Variants in PRDM16 observed in about 807,000 individuals in gnomAD.
PRDM16 encodes PR/SET domain 16.
A neutral mutation model predicts 110.6 loss-of-function variants in PRDM16; 23 were observed. That is an observed-to-expected ratio of 0.21 (90% CI 0.15 to 0.29). The LOEUF (loss-of-function observed/expected upper bound fraction) is 0.29. PRDM16 is among the 10% of genes least tolerant of loss of function. PRDM16 has a pLI of 1.00. For synonymous variants in PRDM16, 799 were observed against 781.8 expected (o/e 1.02, Z -0.37); for missense variants, 1,615 against 1,794.3 (o/e 0.90, Z 1.81).
At chr1:3,313,908 C>T (rs922096334) in intron 3 of PRDM16, among the ~76,000 whole-genome samples, 20 of 152,226 alleles carry the variant, frequency 1.3e-4, no homozygotes, top group African/African-American at 3.9e-4. Context: ...ACACTGTTCG[C>T]GCCCTGGCTG....
chr1:3,219,598 C>T (rs999663798), intron 2 of PRDM16, among the ~76,000 whole-genome samples: 2 of 152,162 alleles, frequency 1.3e-5, no homozygotes, highest in South Asian at 2.1e-4. Flanking sequence ...CTGCAGTGTT[C>T]GGGAACAGGA....
intron 3 of PRDM16, among the ~76,000 whole-genome samples, chr1:3,323,032 G>A (rs1394741616): frequency 4.6e-5 from 7 of 152,318 alleles, no homozygotes; most frequent in African/African-American, 9.6e-5. Flanking sequence ...TCTCTGGCCC[G>A]TGCTTCTGCG....
At chr1:3,354,154 G>C (rs565075494) in intron 3 of PRDM16, among the ~76,000 whole-genome samples, 1 of 152,306 alleles carries the variant, frequency 6.6e-6, no homozygotes, top group African/African-American at 2.4e-5. Flanking sequence ...CATTTGAGAC[G>C]CTGCAGATAA....
At chr1:3,181,743 G>GTCTTACACACGC (rs1644202948) in intron 1 of PRDM16, among the ~76,000 whole-genome samples, 2 of 49,726 alleles carry the variant, frequency 4.0e-5, no homozygotes, top group African/African-American at 9.2e-5. Context: ...CTTACACACG[G>GTCTTACACACGC]AGTCTTACAC....
At chr1:3,192,913 C>T (rs1246117725) in intron 2 of PRDM16, among the ~76,000 whole-genome samples, 1 of 152,148 alleles carries the variant, frequency 6.6e-6, no homozygotes, top group Non-Finnish European at 1.5e-5. Context: ...GAACCTTGGC[C>T]CCTCTCTGGG....
intron 2 of PRDM16, among the ~76,000 whole-genome samples, chr1:3,222,896 C>T (rs768727292): frequency 4.9e-4 from 74 of 152,218 alleles, no homozygotes; most frequent in Non-Finnish European, 1.0e-3. Context: ...GTGCAGTTTG[C>T]CCTCAAGGCC....
chr1:3,100,146 C>T (rs540224313), intron 1 of PRDM16, among the ~76,000 whole-genome samples: 1 of 152,166 alleles, frequency 6.6e-6, no homozygotes, highest in South Asian at 2.1e-4. Context: ...CTGCCCTCCC[C>T]TGAGGCCTTT....
chr1:3,153,772 C>A (rs1352077174), intron 1 of PRDM16, among the ~76,000 whole-genome samples: 1 of 152,226 alleles, frequency 6.6e-6, no homozygotes, highest in Non-Finnish European at 1.5e-5. Flanking sequence ...AATATTAAAC[C>A]CGCACCATTG....
intron 3 of PRDM16, among the ~76,000 whole-genome samples, chr1:3,334,313 C>CT (rs1642101823): frequency 6.6e-6 from 1 of 152,148 alleles, no homozygotes; most frequent in African/African-American, 2.4e-5. Flanking sequence ...TAGGGGTTGC[C>CT]ACAGGTCCCA....
intron 3 of PRDM16, among the ~76,000 whole-genome samples, chr1:3,361,580 A>C (rs1013276306): frequency 3.3e-5 from 5 of 152,276 alleles, no homozygotes; most frequent in Admixed American, 3.3e-4. Flanking sequence ...CACCTGGGGC[A>C]TAACACCGGC....
chr1:3,181,128 T>C lies in PRDM16; in HGVS notation c.38-4997T>C, dbSNP rs1037846125. Among the ~76,000 whole-genome samples, 21 of 134,796 alleles carry C rather than the reference T, an allele frequency of 1.6e-4. 1 individual carries two copies. The highest frequency in any genetic ancestry group is 2.7e-4 in the South Asian group (1 of 3,770). 88.4% of individuals were successfully genotyped at this position (134,796 alleles called of 152,430 possible). On this transcript the variant is annotated intron_variant, in intron 1 of 16. Coordinates refer to ENST00000270722, the MANE Select transcript of PRDM16 (RefSeq NM_022114.4). ...CTTACACGCGGCCTTACACACGCAG[T>C]CTTACACGCGGTCTTACACACGCAG...
intron 1 of PRDM16, among the ~76,000 whole-genome samples, chr1:3,098,294 T>C (rs1272840524): frequency 6.6e-6 from 1 of 152,192 alleles, no homozygotes; most frequent in African/African-American, 2.4e-5. Context: ...GTGGGTTTTC[T>C]TGGGGCCGGC....
intron 1 of PRDM16, among the ~76,000 whole-genome samples, chr1:3,161,352 A>G (rs916406393): frequency 2.0e-5 from 3 of 152,334 alleles, no homozygotes; most frequent in Middle Eastern, 3.4e-3. Flanking sequence ...GGTCACAGCC[A>G]CACCAAGTAC....
At position 3,098,670 on chromosome 1, in the gene PRDM16, G is replaced by A. The variant is rs565747083; in HGVS notation, c.37+29374G>A. Reference sequence around the variant, plus strand: ...CTAAAATGCCTCAGTTTCTCTGGGGGATAAAACTGCTTCTCCTGAGGTCTA... The same window carrying A: ...CTAAAATGCCTCAGTTTCTCTGGGGAATAAAACTGCTTCTCCTGAGGTCTA... On this transcript the variant is annotated intron_variant, in intron 1 of 16. Coordinates refer to ENST00000270722, the MANE Select transcript of PRDM16 (RefSeq NM_022114.4). Among the ~76,000 whole-genome samples, 32 of 151,850 alleles carry A rather than the reference G, an allele frequency of 2.1e-4. No homozygotes were observed. In the East Asian group the frequency reaches 4.7e-3, roughly 22 times the overall value.
At chr1:3,186,063 T>G in intron 1 of PRDM16, 62 bp from the exon 2 acceptor site, 3 of 1,423,656 alleles carry the variant, frequency 2.1e-6, no homozygotes, top group Non-Finnish European at 3.0e-6. Flanking sequence ...CGGCGCTCCC[T>G]GAGCTGTACA....
chr1:3,131,116 G>A (rs981981231), intron 1 of PRDM16, among the ~76,000 whole-genome samples: 1 of 152,174 alleles, frequency 6.6e-6, no homozygotes, highest in Non-Finnish European at 1.5e-5. Context: ...CTTCCTCCGA[G>A]CTGTGCCGCA....
rs1406782124 is a variant in PRDM16, at chr1:3,339,129, C to G, written c.439-46023C>G. On this transcript the variant is annotated intron_variant, in intron 3 of 16. Coordinates refer to ENST00000270722, the MANE Select transcript of PRDM16 (RefSeq NM_022114.4). This position sits in a 1 kb window ranked among gnomAD's most constrained non-coding sequence, Gnocchi z 5.0. ...TCTGGCCTCCCCATGTCCCGCCTTT[C>G]CGGGTGCTCAGAGGCATCTCCTGCT... 2.6e-5 allele frequency among the ~76,000 whole-genome samples: 4 copies of G among 152,214 alleles called. No individual in the cohort carries two copies. The highest frequency in any genetic ancestry group is 9.6e-5 in the African/African-American group (4 of 41,466).
chr1:3,253,452 T>C lies in PRDM16; in HGVS notation c.438+9315T>C, dbSNP rs892767445. On this transcript the variant is annotated intron_variant, in intron 3 of 16. Transcript: ENST00000270722. The stretch of plus-strand genomic sequence containing the variant: ...CAATTCCCACCTATGAGTGAGAACA[T>C]GTGGTGTTTGGTTTTTTGTCCTTGC... Among the ~76,000 whole-genome samples the C allele has an allele frequency of 2.0e-5, 3 of 148,728 alleles. No homozygotes were observed. In the Admixed American group the frequency reaches 2.0e-4, roughly 10 times the overall value.
intron 1 of PRDM16, among the ~76,000 whole-genome samples, chr1:3,107,963 A>C (rs946843210): frequency 1.3e-5 from 2 of 152,252 alleles, no homozygotes; most frequent in African/African-American, 2.4e-5. Context: ...ATTGTCAGGG[A>C]ATAGCAAGGC....
Sources: gnomAD v4.1 joint callset for allele counts (sites outside exome capture counted in the v4.1 genomes callset) on GRCh38, gnomAD v4.1.1 for gene constraint, Gnocchi (gnomAD v3.1) non-coding constraint, MANE v1.5 for transcripts, NCBI Gene and HGNC (gene_info 2026-07-23, HGNC 2026-07-21) for gene names.